OTUD4: variants seen among roughly 807,000 people sequenced by gnomAD.
The protein encoded by OTUD4 is OTU deubiquitinase 4, also known as OTU domain-containing protein 4.
In OTUD4, 24 loss-of-function variants were observed where a neutral mutation model predicts 130.4. The observed-to-expected ratio is 0.18, with a 90% confidence interval of 0.13 to 0.26. The LOEUF (loss-of-function observed/expected upper bound fraction) is 0.26, where lower values mean the gene tolerates loss of function less well. Ranked by LOEUF, OTUD4 falls within the 10% of genes least tolerant of loss-of-function variation. OTUD4 has a pLI of 1.00. For synonymous variants in OTUD4, 420 were observed against 472.5 expected (o/e 0.89, Z 1.44); for missense variants, 1,031 against 1,329.4 (o/e 0.78, Z 3.49).
At chr4:145,167,816 C>G (rs916297656) in intron 3 of OTUD4, among the ~76,000 whole-genome samples, 1 of 152,104 alleles carries the variant, frequency 6.6e-6, no homozygotes, top group Non-Finnish European at 1.5e-5. Flanking sequence ...TGAGATTACA[C>G]CATTGCACTC....
chr4:145,152,897 T>C (rs12507416), intron 10 of OTUD4, among the ~76,000 whole-genome samples: 1 of 148,262 alleles, frequency 6.7e-6, no homozygotes, highest in Admixed American at 6.7e-5. Context: ...TTTTTTTTTT[T>C]CTTTTTTTTG....
intron 14 of OTUD4, among the ~76,000 whole-genome samples, chr4:145,144,832 A>C (rs1750744455): frequency 2.0e-5 from 3 of 152,184 alleles, no homozygotes. Context: ...ACCTAAGTGC[A>C]AATTAGCAAA....
chr4:145,148,311 C>CCA (rs1221924373), intron 13 of OTUD4, among the ~76,000 whole-genome samples: 1 of 152,278 alleles, frequency 6.6e-6, no homozygotes, highest in Non-Finnish European at 1.5e-5. Context: ...ACCAGCCTGA[C>CCA]CAACATGGTA....
Position 145,144,364 on chromosome 4 carries a change from C to A in OTUD4, c.1493G>T (p.Gly498Val). The A allele has an allele frequency of 6.2e-7, 1 of 1,612,800 alleles. No homozygotes were observed. Among genetic ancestry groups the A allele is most frequent in the Non-Finnish European group, 8.5e-7 (1 of 1,179,256 alleles). ...TCTCCGCCTGCTTCCTTTTCTATCA[C>A]CTACATGTGATGATTTTCTCTGGAC... Reference protein sequence around the residue: ...PCVQRKSSHVGDRKGSRRRMD... With the variant: ...PCVQRKSSHVVDRKGSRRRMD... Residue 498 changes from glycine to valine, a missense_variant, in exon 15 of 21, where the codon GGT (glycine) becomes GTT (valine). Physicochemically the swap from Gly to Val is moderately radical, Grantham distance 109 (BLOSUM62 -3). Around this residue, in one of 3 missense-constraint regions of OTUD4, gnomAD observed 900 missense variants for 1,095.9 expected, o/e 0.82. Transcript: ENST00000447906.
chr4:145,155,390 T>A (rs375426782), intron 10 of OTUD4, 21 bp downstream of exon 10: 1 of 1,590,204 alleles, frequency 6.3e-7, no homozygotes, highest in East Asian at 2.2e-5. Context: ...AATCTCTTCT[T>A]CTTTTACATA....
intron 1 of OTUD4, among the ~76,000 whole-genome samples, chr4:145,177,433 AAAGC>A (rs1461045761): frequency 1.3e-5 from 2 of 152,240 alleles, no homozygotes; most frequent in Non-Finnish European, 2.9e-5. Context: ...CACTGCAAGA[AAAGC>A]AAGGTTAAAT....
chr4:145,157,118 T>C (rs1439201317), intron 7 of OTUD4, among the ~76,000 whole-genome samples: 1 of 152,156 alleles, frequency 6.6e-6, no homozygotes, highest in Non-Finnish European at 1.5e-5. Flanking sequence ...AAACTCCGCC[T>C]ACATGAAATG....
chr4:145,144,467 T>TA (rs1369684212), intron 14 of OTUD4, 33 bp from the exon 15 acceptor site: 1 of 1,597,030 alleles, frequency 6.3e-7, no homozygotes, highest in East Asian at 2.2e-5. Flanking sequence ...CATTTTGTGT[T>TA]AAAGATTTAC....
chr4:145,170,253 A>AT (rs917976450), intron 3 of OTUD4, among the ~76,000 whole-genome samples: 1 of 152,252 alleles, frequency 6.6e-6, no homozygotes, highest in African/African-American at 2.4e-5. Flanking sequence ...GGTCTAAAGC[A>AT]TAAGCTCCAA....
chr4:145,163,393 CA>C lies in OTUD4; in HGVS notation c.415-673del, dbSNP rs3842003. Among the ~76,000 whole-genome samples, 7 of 152,250 alleles carry C rather than the reference CA, an allele frequency of 4.6e-5. No individual in the cohort carries two copies. The East Asian group carries it at 1.2e-3, about 25-fold the overall frequency. On this transcript the variant is annotated intron_variant, in intron 5 of 20. Transcript: ENST00000447906. ...AGTTGATCTTTCTTTCTAGGCTTCA[CA>C]AAATTTTTCAGTTGCTTCTGCTTTA... is the stretch of plus-strand genomic sequence containing the variant.
intron 18 of OTUD4, 22 bp downstream of exon 18, chr4:145,142,166 CTGGCTAGA>C: frequency 6.3e-7 from 1 of 1,599,906 alleles, no homozygotes; most frequent in Non-Finnish European, 8.5e-7. Context: ...GGTATTTTGG[CTGGCTAGA>C]TTTTCTAAAC....
chr4:145,149,348 T>C (rs1483500443), intron 13 of OTUD4, among the ~76,000 whole-genome samples: 1 of 152,134 alleles, frequency 6.6e-6, no homozygotes, highest in Non-Finnish European at 1.5e-5. Flanking sequence ...TGGCAACAAC[T>C]TGATTTCAGA....
At chr4:145,156,544 G>A (rs1334218298) in intron 7 of OTUD4, among the ~76,000 whole-genome samples, 3 of 152,178 alleles carry the variant, frequency 2.0e-5, no homozygotes, top group South Asian at 4.1e-4. Flanking sequence ...TTAGCTGGGC[G>A]TAGTGGCACA....
chr4:145,158,476 C>T (rs896140941), intron 7 of OTUD4, among the ~76,000 whole-genome samples: 1 of 148,010 alleles, frequency 6.8e-6, no homozygotes, highest in South Asian at 2.1e-4. Context: ...TGCAAGACTC[C>T]GATTCAAAAA....
At position 145,137,534 on chromosome 4, in the gene OTUD4, G is replaced by A. The variant is rs745712801; in HGVS notation, c.3241C>T (p.Arg1081Trp). 16 of 1,612,240 alleles carry A rather than the reference G, an allele frequency of 9.9e-6. No homozygotes were observed. Among genetic ancestry groups the A allele is most frequent in the South Asian group, 2.2e-5 (2 of 91,024 alleles). The change falls in exon 21 of 21, where the codon CGG (arginine) becomes TGG (tryptophan). Residue 1081 changes from arginine to tryptophan, a missense_variant. Physicochemically the swap from Arg to Trp is moderately radical, Grantham distance 101. Coordinates refer to ENST00000447906, the MANE Select transcript of OTUD4 (RefSeq NM_001366057.1). ...ESWKGQPSRS[R>W]DEGYQYHRNV... ...CGATGGTACTGATAACCTTCATCCC[G>A]ACTTCTGCTTGGCTGTCCTTTCCAG...
At chr4:145,142,646 C>T (rs1055692370) in intron 17 of OTUD4, among the ~76,000 whole-genome samples, 4 of 152,230 alleles carry the variant, frequency 2.6e-5, no homozygotes, top group African/African-American at 9.6e-5. Flanking sequence ...CTTGGCATCC[C>T]AAGGTGCTGG....
chr4:145,179,691 G>A (rs1019456494), intron 1 of OTUD4, 124 bp downstream of exon 1: 278 of 1,405,198 alleles, frequency 2.0e-4, no homozygotes, highest in Non-Finnish European at 2.4e-4. Flanking sequence ...GCGCTGTGAC[G>A]ACAGCCAGGG....
At position 145,133,795 on chromosome 4, in the gene OTUD4, G is replaced by C. The variant is rs529528857; in HGVS notation, c.*3635C>G. ...AAACAGAACATAGAAAAATAAACAG[G>C]AATATATTCAACACTTACAAAAAGT... On this transcript the variant is annotated 3_prime_UTR_variant, in exon 21 of 21. Coordinates refer to ENST00000447906, the MANE Select transcript of OTUD4 (RefSeq NM_001366057.1). 1 of 152,404 alleles carries C rather than the reference G, an allele frequency of 6.6e-6. No individual in the cohort carries two copies. Among genetic ancestry groups the C allele is most frequent in the South Asian group, 2.1e-4 (1 of 4,814 alleles). The allele number at this position is 152,404 out of a possible 1,614,324, so 9.4% of individuals were successfully genotyped here.
rs11432018 is a variant in OTUD4 at position 145,168,413 on chromosome 4, TAAAAAAAAAAA to T, written c.295-3227_295-3217del. ...ATAATAAATAAATAAAATAAAAAAT[TAAAAAAAAAAA>T]AAAAGAAAATGGAAAGCCAAAATAC... On this transcript the variant is annotated intron_variant, in intron 3 of 20. Transcript: ENST00000447906. Among the ~76,000 whole-genome samples the T allele has an allele frequency of 3.3e-5, 4 of 122,864 alleles. No homozygotes were observed. In the South Asian group the frequency reaches 1.1e-3, roughly 33 times the overall value. 80.6% of individuals were successfully genotyped at this position (122,864 alleles called of 152,430 possible). A position where few individuals can be genotyped will look rare whatever the true frequency, so the allele number is the denominator to read the frequency against.
Sources: allele counts gnomAD v4.1 joint callset (sites outside exome capture counted in the v4.1 genomes callset), GRCh38; gene constraint gnomAD v4.1.1; regional missense constraint gnomAD v4.1.1; transcripts MANE v1.5; gene names NCBI Gene and HGNC (gene_info 2026-07-23, HGNC 2026-07-21).